Variants in ZNF148 observed in about 807,000 individuals in gnomAD.
ZNF148 encodes Beta-Enolase Repressor Factor-1.
A neutral mutation model predicts 67.7 loss-of-function variants in ZNF148; 7 were observed. The observed-to-expected ratio is 0.10, with a 90% CI of 0.06 to 0.19. The LOEUF is 0.19. Among genes scored for constraint, ZNF148 ranks in the 10% least tolerant of loss-of-function variants. ZNF148 has a pLI of 1.00. For synonymous variants in ZNF148, 333 were observed against 330.7 expected, an observed-to-expected ratio of 1.01 and a Z score of -0.08; for missense variants, 583 against 947.1, an observed-to-expected ratio of 0.62 and a Z score of 5.05.
At chr3:125,291,641 T>A (rs1939021705) in intron 4 of ZNF148, among the ~76,000 whole-genome samples, 1 of 152,162 alleles carries the variant, frequency 6.6e-6, no homozygotes, top group South Asian at 2.1e-4. Flanking sequence ...ACTAGCTACT[T>A]CTTCTCTTCT....
At chr3:125,338,331 T>C (rs1198998719) in intron 1 of ZNF148, among the ~76,000 whole-genome samples, 2 of 152,142 alleles carry the variant, frequency 1.3e-5, no homozygotes, top group Non-Finnish European at 2.9e-5. Flanking sequence ...TACATATGTA[T>C]ATAATCAGAG....
chr3:125,327,509 T>C (rs542943786), intron 2 of ZNF148, among the ~76,000 whole-genome samples: 1 of 152,320 alleles, frequency 6.6e-6, no homozygotes, highest in East Asian at 1.9e-4. Flanking sequence ...TAAACTTAAA[T>C]GGATTGAAGT....
At chr3:125,307,181 G>C (rs1434589087) in intron 4 of ZNF148, among the ~76,000 whole-genome samples, 1 of 152,054 alleles carries the variant, frequency 6.6e-6, no homozygotes, top group Non-Finnish European at 1.5e-5. Context: ...TCCCAGGAAC[G>C]CAAGAGCTGT....
Position 125,231,681 on chromosome 3 carries a change from A to G in ZNF148, c.*660T>C, listed in dbSNP as rs943445302. The G allele has an allele frequency of 6.6e-6, 1 of 152,562 alleles. No homozygotes were observed. Among genetic ancestry groups the G allele is most frequent in the Non-Finnish European group, 1.5e-5 (1 of 68,010 alleles). The allele number at this position is 152,562 out of a possible 1,614,324, so 9.5% of individuals were successfully genotyped here. On this transcript the variant is annotated 3_prime_UTR_variant, in exon 9 of 9. Coordinates refer to ENST00000360647, the MANE Select transcript of ZNF148 (RefSeq NM_021964.3). Reference sequence around the variant, plus strand: ...GTTGTGTGTTTTGGTAAAAGTTCTGAAAGTATGCATATTTTTAAAGTAATT... The same window carrying G: ...GTTGTGTGTTTTGGTAAAAGTTCTGGAAGTATGCATATTTTTAAAGTAATT...
At chr3:125,238,363 C>T (rs1351781362) in intron 7 of ZNF148, among the ~76,000 whole-genome samples, 1 of 152,166 alleles carries the variant, frequency 6.6e-6, no homozygotes, top group Non-Finnish European at 1.5e-5. Context: ...CACTGTGGCT[C>T]ACACCTGTAA....
intron 4 of ZNF148, among the ~76,000 whole-genome samples, chr3:125,289,248 C>A (rs1176984826): frequency 6.6e-6 from 1 of 152,120 alleles, no homozygotes; most frequent in Non-Finnish European, 1.5e-5. Context: ...TGATGAACAT[C>A]TTACAGATTC....
In ZNF148 at chr3:125,351,380, C is replaced by CAAAAAAAAA. The variant is rs1158167448; in HGVS notation, c.-233-20151_-233-20143dup. On this transcript the variant is annotated intron_variant, in intron 1 of 8. Transcript: ENST00000360647. ...GGCCACAGAGTGAGACCTTGTTTCT[C>CAAAAAAAAA]AAAAAAAAAAAAAAAAAAAAAAAAA... 5.8e-5 allele frequency among the ~76,000 whole-genome samples: 3 copies of CAAAAAAAAA among 51,352 alleles called. 1 individual carries two copies. Among genetic ancestry groups the CAAAAAAAAA allele is most frequent in the African/African-American group, 1.7e-4 (2 of 11,810 alleles). The allele number at this position is 51,352 out of a possible 152,430, so 33.7% of individuals were successfully genotyped here.
intron 3 of ZNF148, among the ~76,000 whole-genome samples, chr3:125,321,512 G>A (rs1040814041): frequency 5.3e-5 from 8 of 152,016 alleles, no homozygotes; most frequent in African/African-American, 1.9e-4. Flanking sequence ...AAATAAAACA[G>A]AATCTAGGCA....
chr3:125,308,707 G>A (rs1940033950), intron 4 of ZNF148, among the ~76,000 whole-genome samples: 1 of 152,042 alleles, frequency 6.6e-6, no homozygotes, highest in African/African-American at 2.4e-5. Context: ...CTGATTTAAA[G>A]ACAGACACTA....
At chr3:125,311,032 A>G in intron 4 of ZNF148, 1 of 205,344 alleles carries the variant, frequency 4.9e-6, no homozygotes, top group South Asian at 9.6e-5. Flanking sequence ...CTATGACCTC[A>G]ACGGTGCCTA....
intron 1 of ZNF148, among the ~76,000 whole-genome samples, chr3:125,338,095 C>A (rs1470595558): frequency 1.3e-5 from 2 of 151,948 alleles, no homozygotes; most frequent in Non-Finnish European, 2.9e-5. Context: ...CAGAGTGAGA[C>A]CCTATCTCCA....
At chr3:125,292,153 G>A (rs1383920648) in intron 4 of ZNF148, among the ~76,000 whole-genome samples, 2 of 152,176 alleles carry the variant, frequency 1.3e-5, no homozygotes, top group African/African-American at 4.8e-5. Flanking sequence ...CAAAGTCACA[G>A]AACAGGACAG....
At chr3:125,284,081 T>C (rs1238296523) in intron 5 of ZNF148, among the ~76,000 whole-genome samples, 1 of 152,134 alleles carries the variant, frequency 6.6e-6, no homozygotes, top group Non-Finnish European at 1.5e-5. Flanking sequence ...ATTAAAAATA[T>C]CCTCTCTCTC....
chr3:125,252,551 C>T (rs988772441), intron 7 of ZNF148, among the ~76,000 whole-genome samples: 1 of 151,964 alleles, frequency 6.6e-6, no homozygotes, highest in Non-Finnish European at 1.5e-5. Flanking sequence ...GGGTGGATCA[C>T]GAGGTCAGGA....
chr3:125,313,118 C>T (rs967435827), intron 4 of ZNF148, among the ~76,000 whole-genome samples, 190 bp downstream of exon 4: 9 of 152,122 alleles, frequency 5.9e-5, no homozygotes, highest in African/African-American at 1.9e-4. Context: ...AAGAAATAAG[C>T]TTCTAAAATA....
chr3:125,263,547 T>C (rs1179081581), intron 7 of ZNF148, among the ~76,000 whole-genome samples: 1 of 63,066 alleles, frequency 1.6e-5, no homozygotes, highest in Non-Finnish European at 3.2e-5. Context: ...TAAGACTCTG[T>C]CTCAAAAAAA....
intron 5 of ZNF148, 145 bp from the exon 6 acceptor site, chr3:125,279,392 TAGAATAATGTTATCATTAACTG>T: frequency 1.4e-6 from 1 of 698,546 alleles, no homozygotes; most frequent in East Asian, 3.0e-5. Flanking sequence ...AAAAGACTAT[TAGAATAATGTTATCATTAACTG>T]TAGGAAAGTA....
At chr3:125,262,292 CAA>C (rs1937380047) in intron 7 of ZNF148, among the ~76,000 whole-genome samples, 1 of 152,144 alleles carries the variant, frequency 6.6e-6, no homozygotes, top group Non-Finnish European at 1.5e-5. Context: ...TAACTACTTC[CAA>C]TTAAAGAGTA....
At chr3:125,245,857 C>T (rs1056382115) in intron 7 of ZNF148, among the ~76,000 whole-genome samples, 4 of 152,138 alleles carry the variant, frequency 2.6e-5, no homozygotes, top group African/African-American at 9.7e-5. Flanking sequence ...TAAATCTGAT[C>T]ATGTTTAAAG....
Sources: gnomAD v4.1 joint callset for allele counts (sites outside exome capture counted in the v4.1 genomes callset) on GRCh38, gnomAD v4.1.1 for gene constraint, MANE v1.5 for transcripts, NCBI Gene and HGNC (gene_info 2026-07-23, HGNC 2026-07-21) for gene names.